The following RASSF3 variants were observed in gnomAD, a reference collection of about 807,000 sequenced individuals.
RASSF3 encodes the protein ras association domain-containing protein 3.
A neutral mutation model predicts 19.9 loss-of-function variants in RASSF3; 19 were observed. That is an observed-to-expected ratio of 0.96 (90% CI 0.67 to 1.40). RASSF3 has a LOEUF of 1.40. Ranked by LOEUF, RASSF3 falls within the 40% of genes most tolerant of loss-of-function variation. The pLI is 0.00. For missense variants in RASSF3, 306 were observed against 289.8 expected (o/e 1.06, Z -0.41); for synonymous variants, 110 against 104.2 (o/e 1.06, Z -0.34).
At chr12:64,629,842 TA>T (rs1322000785) in intron 1 of RASSF3, 43 of 151,382 alleles carry the variant, frequency 2.8e-4, no homozygotes, top group African/African-American at 9.5e-4. Flanking sequence ...TGTGCGCCTG[TA>T]ATCCCAGCTA....
intron 1 of RASSF3, among the ~76,000 whole-genome samples, chr12:64,656,627 A>C (rs1215016716): frequency 1.3e-5 from 2 of 152,188 alleles, no homozygotes; most frequent in Non-Finnish European, 2.9e-5. Flanking sequence ...GACTTTGTGC[A>C]GTGAAAGTTG....
At chr12:64,680,474 G>GAAGCTCA (rs1873082108) in intron 1 of RASSF3, among the ~76,000 whole-genome samples, 1 of 152,060 alleles carries the variant, frequency 6.6e-6, no homozygotes, top group South Asian at 2.1e-4. Context: ...CCTGGCACAT[G>GAAGCTCA]GCAGAAGCTC....
At chr12:64,635,699 C>G (rs1381763901) in intron 1 of RASSF3, among the ~76,000 whole-genome samples, 1 of 152,018 alleles carries the variant, frequency 6.6e-6, no homozygotes, top group East Asian at 1.9e-4. Context: ...TTTTAAAAAG[C>G]GGTAAGAAGA....
intron 1 of RASSF3, among the ~76,000 whole-genome samples, chr12:64,512,646 C>A (rs1035445853): frequency 2.0e-5 from 3 of 152,108 alleles, no homozygotes; most frequent in Non-Finnish European, 4.4e-5. Flanking sequence ...ATTATCAAGC[C>A]ATTGTAATAC....
chr12:64,563,318 C>T (rs1414946938), intron 2 of RASSF3, among the ~76,000 whole-genome samples: 3 of 151,998 alleles, frequency 2.0e-5, no homozygotes, highest in Non-Finnish European at 4.4e-5. Context: ...AGGCACCTGC[C>T]ACCAGGCCCG....
At chr12:64,578,208 G>A (rs1869629153) in intron 2 of RASSF3, among the ~76,000 whole-genome samples, 1 of 152,190 alleles carries the variant, frequency 6.6e-6, no homozygotes, top group Non-Finnish European at 1.5e-5. Context: ...GGGCAACAGA[G>A]TGAGACTCCG....
intron 2 of RASSF3, among the ~76,000 whole-genome samples, chr12:64,558,526 C>G (rs892223817): frequency 6.6e-6 from 1 of 152,108 alleles, no homozygotes. Flanking sequence ...TGGTTACTTA[C>G]AACCATAGTC....
Position 64,610,575 on chromosome 12 carries a change from C to T in RASSF3, c.-58C>T. On this transcript the variant is annotated 5_prime_UTR_variant, in exon 1 of 5. Transcript: ENST00000542104. ...CTCGCGGGGCTGGCGGGCGCCGCAC[C>T]CCCTCCCTGGCCGCCTGCGCCCCGG... 2.0e-6 allele frequency: 2 copies of T among 994,872 alleles called. No homozygotes were observed. Among genetic ancestry groups the T allele is most frequent in the South Asian group, 2.6e-5 (1 of 39,078 alleles). The allele number at this position is 994,872 out of a possible 1,614,324, so 61.6% of individuals were successfully genotyped here. A position where few individuals can be genotyped will look rare whatever the true frequency, so the allele number is the denominator to read the frequency against.
intron 1 of RASSF3, among the ~76,000 whole-genome samples, chr12:64,524,263 T>C (rs1277191262): frequency 6.7e-6 from 1 of 148,438 alleles, no homozygotes; most frequent in African/African-American, 2.6e-5. Context: ...TATTTATTTA[T>C]TTTTGTAGAA....
chr12:64,537,261 C>T (rs1402492872), intron 1 of RASSF3, among the ~76,000 whole-genome samples: 3 of 152,128 alleles, frequency 2.0e-5, no homozygotes, highest in Non-Finnish European at 4.4e-5. Flanking sequence ...GTGTAAACTC[C>T]AACTCTGGAA....
downstream of RASSF3, among the ~76,000 whole-genome samples, chr12:64,543,686 G>C (rs563088824): frequency 6.6e-6 from 1 of 151,352 alleles, no homozygotes; most frequent in Non-Finnish European, 1.5e-5. Flanking sequence ...CCCCTAGTGC[G>C]CGATCCACTG....
At chr12:64,636,336 A>G (rs1330454369) in intron 1 of RASSF3, among the ~76,000 whole-genome samples, 3 of 151,816 alleles carry the variant, frequency 2.0e-5, no homozygotes, top group Admixed American at 2.0e-4. Flanking sequence ...CTGGTCTTGG[A>G]TTCCCGACCT....
At chr12:64,641,948 G>A (rs1237956209) in intron 1 of RASSF3, among the ~76,000 whole-genome samples, 1 of 151,878 alleles carries the variant, frequency 6.6e-6, no homozygotes, top group Admixed American at 6.6e-5. Context: ...CTCCATGTTG[G>A]TCAGGCTGGT....
intron 1 of RASSF3, among the ~76,000 whole-genome samples, chr12:64,668,125 G>A (rs1872583622): frequency 1.3e-5 from 2 of 152,130 alleles, no homozygotes; most frequent in Admixed American, 6.5e-5. Context: ...TCTACCCTCG[G>A]GATTCCTGGG....
chr12:64,692,334 T>C (rs1868298237), intron 4 of RASSF3, among the ~76,000 whole-genome samples: 1 of 152,202 alleles, frequency 6.6e-6, no homozygotes, highest in African/African-American at 2.4e-5. Context: ...TTTCCTACTG[T>C]TTGTTAGATT....
chr12:64,666,258 A>G (rs1383852640), intron 1 of RASSF3, among the ~76,000 whole-genome samples: 2 of 152,230 alleles, frequency 1.3e-5, no homozygotes, highest in Non-Finnish European at 1.5e-5. Flanking sequence ...GGAATTAGCT[A>G]TGGAATGCTG....
chr12:64,516,998 C>CAAAAAAAAAAAAAAAAAA (rs371430838), intron 1 of RASSF3, among the ~76,000 whole-genome samples: 28 of 51,864 alleles, frequency 5.4e-4, no homozygotes, highest in Non-Finnish European at 7.2e-4. Flanking sequence ...AAATCTGTCT[C>CAAAAAAAAAAAAAAAAAA]AAAAAAAAAA....
At chr12:64,513,618 G>A (rs1030491059) in intron 1 of RASSF3, among the ~76,000 whole-genome samples, 1 of 152,110 alleles carries the variant, frequency 6.6e-6, no homozygotes, top group Non-Finnish European at 1.5e-5. Flanking sequence ...GAGAGGCCTT[G>A]GGCAGGTGAG....
intron 1 of RASSF3, among the ~76,000 whole-genome samples, chr12:64,639,644 A>G (rs1336366160): frequency 6.6e-6 from 1 of 152,208 alleles, no homozygotes; most frequent in Non-Finnish European, 1.5e-5. Context: ...CTCTTATCAT[A>G]TTCTTCCTGC....
Sources: allele counts gnomAD v4.1 joint callset (sites outside exome capture counted in the v4.1 genomes callset), GRCh38; gene constraint gnomAD v4.1.1; transcripts MANE v1.5; gene names NCBI Gene and HGNC (gene_info 2026-07-23, HGNC 2026-07-21).